The following TATDN2 variants were observed in gnomAD, a reference collection of about 807,000 sequenced individuals.
The protein encoded by TATDN2 is TatD DNase domain containing 2.
Under a neutral mutation model 60.3 loss-of-function variants are expected in TATDN2, and 44 were observed. The observed-to-expected ratio is 0.73, with a 90% CI of 0.57 to 0.94. The LOEUF is 0.94. Among genes scored for constraint, TATDN2 ranks in the 40% least tolerant of loss-of-function variants. The pLI is 0.00. For missense variants in TATDN2, 997 were observed against 948.0 expected (o/e 1.05, Z -0.68); for synonymous variants, 399 against 355.8 (o/e 1.12, Z -1.37).
chr3:10,265,681 CAAAAAAAAAAAA>C (rs60093055), intron 3 of TATDN2, among the ~76,000 whole-genome samples: 2 of 62,706 alleles, frequency 3.2e-5, no homozygotes, highest in African/African-American at 1.1e-4. Flanking sequence ...GACTCCGTCT[CAAAAAAAAAAAA>C]AAAAAAAAAA....
At position 10,249,439 on chromosome 3, in the gene TATDN2, C is replaced by T; in HGVS notation, c.239C>T (p.Ser80Phe). 1.2e-6 allele frequency: 2 copies of T among 1,612,658 alleles called. No individual in the cohort carries two copies. The highest frequency in any genetic ancestry group is 4.5e-5 in the East Asian group (2 of 44,782). ...SWGSSRRRNN[S>F]SSSFSPHFLG... ...GGCTCATCCCGCCGCAGAAATAACT[C>T]CTCCTCCTCCTTCTCCCCACATTTC... is the stretch of plus-strand genomic sequence containing the variant. The change falls in exon 2 of 8, where the codon TCC becomes TTC. Residue 80 changes from serine (S) to phenylalanine (F), a missense_variant. Physicochemically the swap from Ser to Phe is radical, Grantham distance 155. Transcript: ENST00000448281.
chr3:10,262,686 C>T (rs927786139), intron 3 of TATDN2, among the ~76,000 whole-genome samples: 1 of 151,774 alleles, frequency 6.6e-6, no homozygotes, highest in African/African-American at 2.4e-5. Flanking sequence ...CAGGCACACG[C>T]CACCACACCT....
At chr3:10,269,842 A>G (rs1260875791) in intron 3 of TATDN2, among the ~76,000 whole-genome samples, 1 of 152,210 alleles carries the variant, frequency 6.6e-6, no homozygotes, top group Non-Finnish European at 1.5e-5. Flanking sequence ...TTTTCTCAAG[A>G]GAAAGGGATG....
rs1444241467 is a variant in TATDN2 at position 10,276,446 on chromosome 3, A to G, written c.1919A>G (p.Glu640Gly). The G allele has an allele frequency of 6.2e-7, 1 of 1,613,992 alleles. No homozygotes were observed. The highest frequency in any genetic ancestry group is 1.3e-5 in the African/African-American group (1 of 74,908). ...HCREADEDLL[E>G]IMKKFVPPDY... Reference sequence around the variant, plus strand: ...CGAGAAGCTGATGAAGATCTGCTAGAAATCATGAAAAAGTTTGTGCCCCCT... The same window carrying G: ...CGAGAAGCTGATGAAGATCTGCTAGGAATCATGAAAAAGTTTGTGCCCCCT... Residue 640 changes from glutamate to glycine, a missense_variant, in exon 5 of 8, where the codon GAA (glutamate) becomes GGA (glycine). Transcript: ENST00000448281.
At position 10,270,727 on chromosome 3, in the gene TATDN2, T is replaced by C; in HGVS notation, c.1545T>C (p.Phe515=). ...CCAAGCTATCTTTCCAAGGGACCTTTACAAAGTTCAGAAAAATTTACAGCA... is the reference window on the plus strand; with the variant it reads ...CCAAGCTATCTTTCCAAGGGACCTTCACAAAGTTCAGAAAAATTTACAGCA... ...LYSKLSFQGT[F]TKFRKIYSSS... is the part of the protein sequence containing the mutation. The change falls in exon 4 of 8, where the codon TTT becomes TTC. Residue 515 remains phenylalanine, a synonymous_variant. Coordinates refer to ENST00000448281, the MANE Select transcript of TATDN2 (RefSeq NM_014760.4). 6.2e-6 allele frequency: 10 copies of C among 1,614,202 alleles called. No homozygotes were observed. Among genetic ancestry groups the C allele is most frequent in the Non-Finnish European group, 8.5e-6 (10 of 1,180,034 alleles).
chr3:10,260,637 G>A lies in TATDN2; in HGVS notation c.915G>A (p.Leu305=). 1.2e-6 allele frequency: 2 copies of A among 1,614,042 alleles called. No individual in the cohort carries two copies. Among genetic ancestry groups the A allele is most frequent in the Non-Finnish European group, 1.7e-6 (2 of 1,180,000 alleles). Residue 305 remains leucine (L), a synonymous_variant, in exon 3 of 8, where the codon TTG becomes TTA. Transcript: ENST00000448281. ...IDKCSPPLEF[L]DDSDSHLEIQ... Reference sequence around the variant, plus strand: ...AATGCTCTCCACCCCTAGAGTTCTTGGATGACTCTGACTCTCATTTAGAAA... The same window carrying A: ...AATGCTCTCCACCCCTAGAGTTCTTAGATGACTCTGACTCTCATTTAGAAA...
chr3:10,257,337 AC>A (rs1340325507), intron 2 of TATDN2, among the ~76,000 whole-genome samples: 1 of 143,338 alleles, frequency 7.0e-6, no homozygotes, highest in African/African-American at 2.5e-5. Flanking sequence ...ATAAAAAGAT[AC>A]AAAGAAAACA....
At chr3:10,258,876 C>CT (rs56312703) in intron 2 of TATDN2, among the ~76,000 whole-genome samples, 29 of 146,298 alleles carry the variant, frequency 2.0e-4, no homozygotes, top group South Asian at 4.3e-4. Context: ...GCAATTTTGC[C>CT]TTTTTTTTTT....
Position 10,270,589 on chromosome 3 carries a change from G to T in TATDN2, c.1407G>T (p.Met469Ile). 6.2e-7 allele frequency: 1 copy of T among 1,614,244 alleles called. No individual in the cohort carries two copies. The highest frequency in any genetic ancestry group is 8.5e-7 in the Non-Finnish European group (1 of 1,180,044). Reference sequence around the variant, plus strand: ...AGAAAAGAACATTCCAAGAGGAGATGCCTCCGCGTCCTTGTGGAGGACACG... The same window carrying T: ...AGAAAAGAACATTCCAAGAGGAGATTCCTCCGCGTCCTTGTGGAGGACACG... The part of the protein sequence containing the change: ...VKEKRTFQEE[M>I]PPRPCGGHAS... Residue 469 changes from methionine (M) to isoleucine (I), a missense_variant, in exon 4 of 8, where the codon ATG (methionine) becomes ATT (isoleucine). By Grantham distance (10) the Met-to-Ile change is conservative (BLOSUM62 1). Transcript: ENST00000448281.
intron 2 of TATDN2, among the ~76,000 whole-genome samples, chr3:10,258,174 C>T (rs1301655041): frequency 1.3e-5 from 2 of 151,454 alleles, no homozygotes; most frequent in Non-Finnish European, 2.9e-5. Context: ...TTTTATTTTC[C>T]TTTGGCCCTT....
At chr3:10,259,348 G>T (rs765569433) in intron 2 of TATDN2, among the ~76,000 whole-genome samples, 1 of 152,266 alleles carries the variant, frequency 6.6e-6, no homozygotes, top group Admixed American at 6.5e-5. Context: ...ATGCAAATGG[G>T]ATAATGGTTT....
intron 3 of TATDN2, 33 bp downstream of exon 3, chr3:10,260,703 T>G: frequency 1.3e-6 from 2 of 1,586,822 alleles, no homozygotes; most frequent in Non-Finnish European, 1.7e-6. Flanking sequence ...ATCTGACTTT[T>G]TAGTTCTGTT....
rs1265154232 is a variant in TATDN2, at chr3:10,265,003, A to ATT, written c.948+4344_948+4345dup. Among the ~76,000 whole-genome samples, 85 of 45,844 alleles carry ATT rather than the reference A, an allele frequency of 1.9e-3. 2 individuals carry two copies. The highest frequency in any genetic ancestry group is 7.5e-3 in the African/African-American group (75 of 9,936). The allele number at this position is 45,844 out of a possible 152,430, so 30.1% of individuals were successfully genotyped here. A position where few individuals can be genotyped will look rare whatever the true frequency, so the allele number is the denominator to read the frequency against. ...AGTTTATCTTCTAACGTTTATGTTG[A>ATT]TTTTTTTTTTTTGGTCTTTTTTTTT... On this transcript the variant is annotated intron_variant, in intron 3 of 7. Transcript: ENST00000448281.
chr3:10,265,849 G>T (rs1432535009), intron 3 of TATDN2, among the ~76,000 whole-genome samples: 1 of 151,946 alleles, frequency 6.6e-6, no homozygotes, highest in East Asian at 1.9e-4. Context: ...TCTGCACAGG[G>T]TGGGAGCAGG....
At chr3:10,252,519 C>A (rs1239474296) in intron 2 of TATDN2, among the ~76,000 whole-genome samples, 1 of 152,134 alleles carries the variant, frequency 6.6e-6, no homozygotes, top group Non-Finnish European at 1.5e-5. Flanking sequence ...CACCTCTTAC[C>A]TTCCACCTTC....
Position 10,260,674 on chromosome 3 carries a change from A to G in TATDN2, c.948+4A>G. On this transcript the variant is annotated splice_donor_region_variant and intron_variant, in intron 3 of 7. Transcript: ENST00000448281. ...CTCTCATTTAGAAATCCAAAAGGTGAGTAAAGCTTGTACCAGGCATCTGAC... is the reference window on the plus strand; with the variant it reads ...CTCTCATTTAGAAATCCAAAAGGTGGGTAAAGCTTGTACCAGGCATCTGAC... 1 of 1,609,172 alleles carries G rather than the reference A, an allele frequency of 6.2e-7. No individual in the cohort carries two copies. The highest frequency in any genetic ancestry group is 8.5e-7 in the Non-Finnish European group (1 of 1,177,618).
chr3:10,275,178 G>T (rs1291437854), intron 4 of TATDN2, among the ~76,000 whole-genome samples: 1 of 151,796 alleles, frequency 6.6e-6, no homozygotes, highest in Non-Finnish European at 1.5e-5. Flanking sequence ...TAGAGACAGG[G>T]TTTCACCATG....
At chr3:10,258,732 A>G (rs1045034735) in intron 2 of TATDN2, among the ~76,000 whole-genome samples, 29 of 149,744 alleles carry the variant, frequency 1.9e-4, no homozygotes, top group African/African-American at 6.8e-4. Flanking sequence ...GGCCTCCCAA[A>G]GTGCTGGGAT....
At chr3:10,269,723 G>A (rs1156424941) in intron 3 of TATDN2, among the ~76,000 whole-genome samples, 1 of 152,160 alleles carries the variant, frequency 6.6e-6, no homozygotes, top group African/African-American at 2.4e-5. Flanking sequence ...AACTGCCACA[G>A]CTGTTGTAAT....
Sources: allele counts gnomAD v4.1 joint callset (sites outside exome capture counted in the v4.1 genomes callset), GRCh38; gene constraint gnomAD v4.1.1; transcripts MANE v1.5; gene names NCBI Gene and HGNC (gene_info 2026-07-23, HGNC 2026-07-21).